Variants in COL4A4 observed in about 807,000 individuals in gnomAD.
The protein encoded by COL4A4 is collagen type IV alpha 4 chain.
Under a neutral mutation model 192.9 loss-of-function variants are expected in COL4A4, and 105 were observed. The observed-to-expected ratio is 0.54, with a 90% confidence interval of 0.46 to 0.64. The LOEUF is 0.64. Ranked by LOEUF, COL4A4 falls within the 30% of genes least tolerant of loss-of-function variation. COL4A4 has a pLI of 0.00. For missense variants in COL4A4, 1,967 were observed against 2,169.3 expected (o/e 0.91, Z 1.85); for synonymous variants, 762 against 769.9 (o/e 0.99, Z 0.17).
intron 1 of COL4A4, among the ~76,000 whole-genome samples, chr2:227,154,049 T>G (rs2064147695): frequency 1.3e-5 from 2 of 152,136 alleles, no homozygotes; most frequent in South Asian, 2.1e-4. Context: ...AAATGGAACA[T>G]AAGCACCCTG....
the COL4A4 span, among the ~76,000 whole-genome samples, chr2:226,977,293 CCTT>C: frequency 6.6e-6 from 1 of 152,126 alleles, no homozygotes; most frequent in South Asian, 2.1e-4. Flanking sequence ...ACTGCCGCCT[CCTT>C]TTTTTCTGTA....
rs575692777 is a variant in COL4A4, at chr2:227,131,941, G to A, written c.192+8220C>T. ...AAGGAGCAGGTTCTCCCCCAGAGCC[G>A]TGGAGGGAGCCTGGCAGTGCCAGCA... On this transcript the variant is annotated intron_variant, in intron 4 of 47. Transcript: ENST00000396625. Among the ~76,000 whole-genome samples the A allele has an allele frequency of 5.3e-4, 81 of 152,236 alleles. 1 individual carries two copies. Among genetic ancestry groups the A allele is most frequent in the Middle Eastern group, 6.3e-3 (2 of 316 alleles).
At chr2:227,133,541 A>C (rs1029778405) in intron 4 of COL4A4, among the ~76,000 whole-genome samples, 2 of 152,226 alleles carry the variant, frequency 1.3e-5, no homozygotes, top group Admixed American at 1.3e-4. Flanking sequence ...AAAAAGCATT[A>C]AATGATAGGC....
intron 3 of COL4A4, 89 bp downstream of exon 3, chr2:227,144,427 G>C (rs556645591): frequency 1.8e-6 from 2 of 1,127,432 alleles, no homozygotes; most frequent in African/African-American, 1.5e-5. Flanking sequence ...TTGAGTCCCA[G>C]AGGGTGATTT....
At position 227,025,782 on chromosome 2, in the gene COL4A4, A is replaced by T. The variant is rs1966842356; in HGVS notation, c.4090+20T>A. On this transcript the variant is annotated intron_variant, in intron 43 of 47. Coordinates refer to ENST00000396625, the MANE Select transcript of COL4A4 (RefSeq NM_000092.5). ...GAAACCAGAGTGAGGGGAAATTACC[A>T]ATTTTATAGCAAAGCTTACCTCTGG... The T allele has an allele frequency of 6.2e-7, 1 of 1,611,292 alleles. No individual in the cohort carries two copies. The highest frequency in any genetic ancestry group is 1.1e-5 in the South Asian group (1 of 90,974).
chr2:227,031,185 A>C (rs1968309905), intron 40 of COL4A4, among the ~76,000 whole-genome samples: 1 of 152,222 alleles, frequency 6.6e-6, no homozygotes, highest in Non-Finnish European at 1.5e-5. Flanking sequence ...AAATAGGAAT[A>C]AATTGACCCC....
At chr2:227,043,489 AT>A (rs1343195625) in intron 35 of COL4A4, among the ~76,000 whole-genome samples, 1 of 152,150 alleles carries the variant, frequency 6.6e-6, no homozygotes, top group Admixed American at 6.5e-5. Context: ...CCTAATTATC[AT>A]TTTTAAATGA....
At chr2:227,151,239 T>C (rs959376107) in intron 1 of COL4A4, among the ~76,000 whole-genome samples, 1 of 152,230 alleles carries the variant, frequency 6.6e-6, no homozygotes, top group Non-Finnish European at 1.5e-5. Context: ...AAAATACTTA[T>C]GATTATGTCT....
chr2:227,059,691 T>A (rs1976408367), intron 27 of COL4A4, 68 bp from the exon 28 acceptor site: 2 of 1,146,216 alleles, frequency 1.7e-6, no homozygotes, highest in Admixed American at 3.5e-5. Flanking sequence ...CATATAAGAC[T>A]TACTTTGATA....
At chr2:227,133,835 G>A (rs1212067190) in intron 4 of COL4A4, among the ~76,000 whole-genome samples, 1 of 151,420 alleles carries the variant, frequency 6.6e-6, no homozygotes, top group East Asian at 1.9e-4. Flanking sequence ...AGGTTGCAGT[G>A]AGCCAAGATA....
the COL4A4 span, chr2:226,997,016 A>AATTTGGAGCAC: frequency 4.6e-5 from 7 of 152,316 alleles, no homozygotes; most frequent in African/African-American, 1.7e-4. Flanking sequence ...ACATTCAGCA[A>AATTTGGAGCAC]ATTTGGAGCA....
At chr2:227,087,392 A>C (rs2059661060) in intron 22 of COL4A4, among the ~76,000 whole-genome samples, 1 of 152,142 alleles carries the variant, frequency 6.6e-6, no homozygotes, top group Admixed American at 6.5e-5. Flanking sequence ...GAAATGTCTC[A>C]AACAGTACTG....
chr2:227,005,644 T>C lies in COL4A4; in HGVS notation c.*1681A>G, dbSNP rs1476244174. 2.0e-5 allele frequency: 3 copies of C among 152,252 alleles called. No individual in the cohort carries two copies. Among genetic ancestry groups the C allele is most frequent in the African/African-American group, 4.8e-5 (2 of 41,464 alleles). The allele number at this position is 152,252 out of a possible 1,614,324, so 9.4% of individuals were successfully genotyped here. On this transcript the variant is annotated 3_prime_UTR_variant, in exon 48 of 48. Transcript: ENST00000396625. Reference sequence around the variant, plus strand: ...TGGGGGCAGCCCATAGCAAAACTCATTTGAAATGTGTTCTGCATATAAGAG... The same window carrying C: ...TGGGGGCAGCCCATAGCAAAACTCACTTGAAATGTGTTCTGCATATAAGAG...
At chr2:226,989,616 TG>T in the COL4A4 span, among the ~76,000 whole-genome samples, 1 of 152,182 alleles carries the variant, frequency 6.6e-6, no homozygotes, top group Admixed American at 6.5e-5. Flanking sequence ...TTTCTTTTTT[TG>T]GGAGGTGGGG....
chr2:227,041,784 A>G (rs148454982), intron 37 of COL4A4, among the ~76,000 whole-genome samples: 6 of 52,368 alleles, frequency 1.1e-4, no homozygotes, highest in Admixed American at 2.2e-4. Flanking sequence ...GGAAGGAAGG[A>G]AGGGAAAGAA....
At chr2:226,981,015 G>A in the COL4A4 span, among the ~76,000 whole-genome samples, 2 of 152,172 alleles carry the variant, frequency 1.3e-5, no homozygotes, top group South Asian at 4.1e-4. Flanking sequence ...CATTTCAAGG[G>A]TGTAAAACCA....
intron 4 of COL4A4, among the ~76,000 whole-genome samples, chr2:227,122,122 A>G (rs2061832319): frequency 6.6e-6 from 1 of 152,152 alleles, no homozygotes; most frequent in Non-Finnish European, 1.5e-5. Flanking sequence ...AAGAAGCTTT[A>G]TGGGGCTCCT....
At chr2:227,063,974 A>T (rs886879891) in intron 25 of COL4A4, among the ~76,000 whole-genome samples, 11 of 152,112 alleles carry the variant, frequency 7.2e-5, no homozygotes, top group African/African-American at 2.2e-4. Context: ...ATTGTGTTGT[A>T]ATGCTTTTAT....
chr2:227,095,118 A>G (rs770370760), intron 19 of COL4A4, among the ~76,000 whole-genome samples: 2 of 152,238 alleles, frequency 1.3e-5, no homozygotes, highest in African/African-American at 4.8e-5. Context: ...CCTTTTCCCC[A>G]TTCTTTAGGA....
Sources: allele counts gnomAD v4.1 joint callset (sites outside exome capture counted in the v4.1 genomes callset), GRCh38; gene constraint gnomAD v4.1.1; transcripts MANE v1.5; gene names NCBI Gene and HGNC (gene_info 2026-07-23, HGNC 2026-07-21).